SEMA4F: variants seen among roughly 807,000 people sequenced by gnomAD.
SEMA4F encodes the protein semaphorin-4F.
Under a neutral mutation model 78.4 loss-of-function variants are expected in SEMA4F, and 51 were observed. The observed-to-expected ratio is 0.65, with a 90% CI of 0.52 to 0.82. The LOEUF (loss-of-function observed/expected upper bound fraction) is 0.82. Ranked by LOEUF, SEMA4F falls within the 40% of genes least tolerant of loss-of-function variation. The pLI is 0.00. For synonymous variants in SEMA4F, 418 were observed against 408.7 expected, an observed-to-expected ratio of 1.02 and a Z score of -0.27; for missense variants, 938 against 1,014.4, an observed-to-expected ratio of 0.92 and a Z score of 1.02.
Position 74,654,490 on chromosome 2 carries a change from C to A in SEMA4F, c.114C>A (p.Arg38=), listed in dbSNP as rs1372287263. The change falls in exon 1 of 14, where the codon CGC becomes CGA. Residue 38 remains arginine (R), a synonymous_variant. Transcript: ENST00000357877. ...GCCCGGTATCCGGCCGCGTCCCCCGCTCGGTGCCCAGAACCTCGCTTCCAA... is the reference window on the plus strand; with the variant it reads ...GCCCGGTATCCGGCCGCGTCCCCCGATCGGTGCCCAGAACCTCGCTTCCAA... ...LSGPVSGRVP[R]SVPRTSLPIS... 6.3e-7 allele frequency: 1 copy of A among 1,576,476 alleles called. No homozygotes were observed. Among genetic ancestry groups the A allele is most frequent in the South Asian group, 1.2e-5 (1 of 86,834 alleles).
intron 5 of SEMA4F, among the ~76,000 whole-genome samples, chr2:74,664,681 G>A (rs1684593507): frequency 6.6e-6 from 1 of 152,164 alleles, no homozygotes; most frequent in Admixed American, 6.5e-5. Context: ...GTCTAAAAAT[G>A]ACACCTTGTT....
At chr2:74,678,649 C>T (rs1685416778) in intron 12 of SEMA4F, among the ~76,000 whole-genome samples, 1 of 152,236 alleles carries the variant, frequency 6.6e-6, no homozygotes, top group Non-Finnish European at 1.5e-5. Context: ...AGCAGTCCAT[C>T]TTGCTATCCT....
the SEMA4F span, among the ~76,000 whole-genome samples, chr2:74,693,458 A>G: frequency 6.6e-6 from 1 of 152,368 alleles, no homozygotes; most frequent in East Asian, 1.9e-4. Context: ...TTTGTAATAC[A>G]GAGGGAGTCT....
chr2:74,663,662 G>C (rs1416482816), intron 5 of SEMA4F, among the ~76,000 whole-genome samples: 2 of 152,234 alleles, frequency 1.3e-5, no homozygotes, highest in East Asian at 3.9e-4. Context: ...GAGGGAGGAG[G>C]TGCTTTTTTA....
Position 74,679,260 on chromosome 2 carries a change from A to C in SEMA4F, c.1644-16A>C. The C allele has an allele frequency of 2.5e-6, 4 of 1,604,096 alleles. No individual in the cohort carries two copies. Among genetic ancestry groups the C allele is most frequent in the Non-Finnish European group, 3.4e-6 (4 of 1,170,836 alleles). ...AATGTTCACACTGGATTTACCAAGC[A>C]TTCTCTTCTTTATAGGTTGGTCCAA... On this transcript the variant is annotated splice_polypyrimidine_tract_variant and intron_variant, in intron 12 of 13. Coordinates refer to ENST00000357877, the MANE Select transcript of SEMA4F (RefSeq NM_004263.5).
rs1684013214 is a variant in SEMA4F, at chr2:74,654,503, A to G, written c.127A>G (p.Thr43Ala). Residue 43 changes from threonine (T) to alanine (A), a missense_variant, in exon 1 of 14, where the codon ACC becomes GCC. Transcript: ENST00000357877. ...CCGCGTCCCCCGCTCGGTGCCCAGA[A>G]CCTCGCTTCCAATCTCTGGTAAGGC... is the stretch of plus-strand genomic sequence containing the variant. The part of the protein sequence containing the change: ...SGRVPRSVPR[T>A]SLPISEADSC... The G allele has an allele frequency of 1.3e-5, 21 of 1,572,398 alleles. No individual in the cohort carries two copies. Among genetic ancestry groups the G allele is most frequent in the Non-Finnish European group, 1.8e-5 (21 of 1,163,206 alleles).
chr2:74,664,686 C>T (rs1684593916), intron 5 of SEMA4F, among the ~76,000 whole-genome samples: 1 of 152,000 alleles, frequency 6.6e-6, no homozygotes, highest in African/African-American at 2.4e-5. Flanking sequence ...AAAATGACAC[C>T]TTGTTTTTAT....
intron 5 of SEMA4F, among the ~76,000 whole-genome samples, chr2:74,668,599 A>G (rs1378089574): frequency 6.6e-6 from 1 of 152,046 alleles, no homozygotes; most frequent in African/African-American, 2.4e-5. Flanking sequence ...CAAGGCATGT[A>G]AAAAATCAGT....
At chr2:74,703,097 G>A in the SEMA4F span, among the ~76,000 whole-genome samples, 1 of 152,136 alleles carries the variant, frequency 6.6e-6, no homozygotes, top group Non-Finnish European at 1.5e-5. Context: ...CTACATTTCT[G>A]AAGCTAACCT....
At chr2:74,703,501 C>T in the SEMA4F span, among the ~76,000 whole-genome samples, 1 of 152,184 alleles carries the variant, frequency 6.6e-6, no homozygotes, top group African/African-American at 2.4e-5. Flanking sequence ...TTTCTTCCAT[C>T]CTTCCTCCCC....
Position 74,673,741 on chromosome 2 carries a change from C to A in SEMA4F, c.735C>A (p.Asp245Glu), listed in dbSNP as rs760643344. 1.9e-6 allele frequency: 3 copies of A among 1,614,136 alleles called. No homozygotes were observed. Among genetic ancestry groups the A allele is most frequent in the Non-Finnish European group, 1.7e-6 (2 of 1,180,030 alleles). Reference protein sequence around the residue: ...PAEWGDEDGDDEIYFFFTETS... With the variant: ...PAEWGDEDGDEEIYFFFTETS... ...AATGGGGGGATGAAGATGGAGACGA[C>A]GAAATCTACTTCTTCTTTACGGAGA... The change falls in exon 7 of 14, where the codon GAC (aspartate) becomes GAA (glutamate). Residue 245 changes from aspartate (D) to glutamate (E), a missense_variant. Physicochemically the swap from Asp to Glu is conservative, Grantham distance 45. Coordinates refer to ENST00000357877, the MANE Select transcript of SEMA4F (RefSeq NM_004263.5).
In SEMA4F at chr2:74,675,887, G is replaced by T; in HGVS notation, c.1621G>T (p.Ala541Ser). ...GAGCTTCCGGCTGGATGAGTGTGTGGCCCATGCCGGGGAGCACCGAGGGTG... is the reference window on the plus strand; with the variant it reads ...GAGCTTCCGGCTGGATGAGTGTGTGTCCCATGCCGGGGAGCACCGAGGGTG... ...AWSFRLDECV[A>S]HAGEHRGLVQ... The change falls in exon 12 of 14, where the codon GCC becomes TCC. Residue 541 changes from alanine (A) to serine (S), a missense_variant. By Grantham distance (99) the Ala-to-Ser change is moderately conservative (BLOSUM62 1). Transcript: ENST00000357877. The T allele has an allele frequency of 6.2e-7, 1 of 1,613,410 alleles. No homozygotes were observed. Among genetic ancestry groups the T allele is most frequent in the East Asian group, 2.2e-5 (1 of 44,874 alleles).
Position 74,658,560 on chromosome 2 carries a change from G to C in SEMA4F, c.456+609G>C, listed in dbSNP as rs559434479. 6.6e-6 allele frequency among the ~76,000 whole-genome samples: 1 copy of C among 152,344 alleles called. No homozygotes were observed. Among genetic ancestry groups the C allele is most frequent in the Non-Finnish European group, 1.5e-5 (1 of 68,032 alleles). On this transcript the variant is annotated intron_variant, in intron 4 of 13. Transcript: ENST00000357877. The surrounding 1 kb of genome is among the most constrained non-coding windows in gnomAD (Gnocchi z 4.3). ...TCAATCATGTTTTCTTATAGATCCT[G>C]TTTATTGCTGCTGAAGGCCTGGACA...
At chr2:74,671,427 G>A (rs1684984661) in intron 5 of SEMA4F, among the ~76,000 whole-genome samples, 1 of 152,172 alleles carries the variant, frequency 6.6e-6, no homozygotes, top group Non-Finnish European at 1.5e-5. Context: ...TTCCCCCAGT[G>A]TGCATGAGCC....
At chr2:74,659,965 A>T (rs777718358) in intron 4 of SEMA4F, among the ~76,000 whole-genome samples, 1 of 152,206 alleles carries the variant, frequency 6.6e-6, no homozygotes, top group Non-Finnish European at 1.5e-5. Flanking sequence ...CTCATTGGAC[A>T]TTGGAGGAAA....
the SEMA4F span, among the ~76,000 whole-genome samples, chr2:74,691,826 G>C: frequency 6.6e-6 from 1 of 152,160 alleles, no homozygotes; most frequent in Non-Finnish European, 1.5e-5. Flanking sequence ...GGATAGATGA[G>C]GGATGATTAT....
In SEMA4F at chr2:74,679,996, G is replaced by T. The variant is rs1479025225; in HGVS notation, c.2100G>T (p.Leu700=). The T allele has an allele frequency of 1.9e-6, 3 of 1,614,084 alleles. No homozygotes were observed. The highest frequency in any genetic ancestry group is 2.5e-6 in the Non-Finnish European group (3 of 1,180,046). ...RELLARDKVG[L]DLGAPPSGTT... is the part of the protein sequence containing the mutation. ...TTCTGGCTAGAGACAAGGTGGGCCTGGACCTGGGGGCTCCACCTTCTGGGA... is the reference window on the plus strand; with the variant it reads ...TTCTGGCTAGAGACAAGGTGGGCCTTGACCTGGGGGCTCCACCTTCTGGGA... The change falls in exon 14 of 14, where the codon CTG becomes CTT. Residue 700 remains leucine (L), a synonymous_variant. Transcript: ENST00000357877.
At chr2:74,700,130 A>G in the SEMA4F span, among the ~76,000 whole-genome samples, 1 of 151,482 alleles carries the variant, frequency 6.6e-6, no homozygotes, top group Non-Finnish European at 1.5e-5. Context: ...ATGAAAGGAC[A>G]GTGGAGGGAA....
the SEMA4F span, among the ~76,000 whole-genome samples, chr2:74,697,833 G>A: frequency 6.6e-6 from 1 of 152,182 alleles, no homozygotes; most frequent in Non-Finnish European, 1.5e-5. Flanking sequence ...AGCAGGGCCA[G>A]GGCAGCAGTA....
Sources: gnomAD v4.1 joint callset for allele counts (sites outside exome capture counted in the v4.1 genomes callset) on GRCh38, gnomAD v4.1.1 for gene constraint, Gnocchi (gnomAD v3.1) non-coding constraint, MANE v1.5 for transcripts, NCBI Gene and HGNC (gene_info 2026-07-23, HGNC 2026-07-21) for gene names.